Variants in PAK3 observed in about 807,000 individuals in gnomAD.
The protein encoded by PAK3 is serine/threonine-protein kinase PAK 3.
In PAK3, 4 loss-of-function variants were observed where a neutral mutation model predicts 41.0. The observed-to-expected ratio is 0.10, with a 90% CI of 0.05 to 0.22. The LOEUF (loss-of-function observed/expected upper bound fraction) is 0.22, where lower values mean the gene tolerates loss of function less well. Among genes scored for constraint, PAK3 ranks in the 10% least tolerant of loss-of-function variants. PAK3 has a pLI of 1.00. For synonymous variants in PAK3, 146 were observed against 139.6 expected, an observed-to-expected ratio of 1.05 and a Z score of -0.32; for missense variants, 205 against 409.9, an observed-to-expected ratio of 0.50 and a Z score of 4.32.
At chrX:111,010,732 G>T (rs1358989252) in intron 1 of PAK3, among the ~76,000 whole-genome samples, 1 of 111,877 alleles carries the variant, frequency 8.9e-6, no homozygotes, top group Non-Finnish European at 1.9e-5. Context: ...CCAAGCAGAT[G>T]TTGGTGCCAT....
At chrX:110,990,993 G>A (rs750340717) in intron 1 of PAK3, among the ~76,000 whole-genome samples, 22 of 110,113 alleles carry the variant, frequency 2.0e-4, no homozygotes, top group African/African-American at 6.3e-4. Flanking sequence ...GCTGGGTGTG[G>A]TGGTGCAGGC....
intron 17 of PAK3, among the ~76,000 whole-genome samples, chrX:111,218,675 A>G (rs1405493695): frequency 9.0e-6 from 1 of 111,401 alleles, no homozygotes; most frequent in Non-Finnish European, 1.9e-5. Context: ...GGATAATCCT[A>G]TGGTGGGCCT....
At chrX:111,102,464 G>A (rs1398445084) in intron 3 of PAK3, among the ~76,000 whole-genome samples, 1 of 111,823 alleles carries the variant, frequency 8.9e-6, no homozygotes, top group Non-Finnish European at 1.9e-5. Flanking sequence ...AGCAAATTAG[G>A]AGACCTCAGA....
intron 1 of PAK3, among the ~76,000 whole-genome samples, chrX:111,066,968 T>C (rs2092706275): frequency 8.9e-6 from 1 of 111,819 alleles, no homozygotes; most frequent in Non-Finnish European, 1.9e-5. Flanking sequence ...CCCTAATAAG[T>C]TGTTGATGAT....
chrX:111,146,166 C>A (rs1169723284), intron 6 of PAK3, among the ~76,000 whole-genome samples: 1 of 112,163 alleles, frequency 8.9e-6, no homozygotes, highest in Non-Finnish European at 1.9e-5. Context: ...ATTGTCAAAG[C>A]TTTTCATGAT....
chrX:111,185,445 G>A (rs1316923477), intron 11 of PAK3, among the ~76,000 whole-genome samples: 1 of 111,261 alleles, frequency 9.0e-6, no homozygotes, highest in Non-Finnish European at 1.9e-5. Flanking sequence ...ATTGCTTTTG[G>A]TGTTTTAATC....
At chrX:110,971,869 G>GT (rs143688523) in intron 1 of PAK3, among the ~76,000 whole-genome samples, 79 of 111,307 alleles carry the variant, frequency 7.1e-4, no homozygotes, top group African/African-American at 2.5e-3. Context: ...TGATGTAGGA[G>GT]TAAAACTTCA....
intron 1 of PAK3, among the ~76,000 whole-genome samples, chrX:111,015,569 T>C (rs1054808503): frequency 9.0e-6 from 1 of 111,701 alleles, no homozygotes; most frequent in African/African-American, 3.3e-5. Flanking sequence ...CTACCAGCAA[T>C]GCACAAGGGT....
At chrX:111,208,935 G>C (rs1314393277) in intron 16 of PAK3, among the ~76,000 whole-genome samples, 1 of 77,000 alleles carries the variant, frequency 1.3e-5, no homozygotes, top group Admixed American at 1.2e-4. Context: ...GAGGAATGAC[G>C]TGTGTGTGTG....
intron 1 of PAK3, among the ~76,000 whole-genome samples, chrX:111,084,616 T>C (rs2148845638): frequency 8.9e-6 from 1 of 112,091 alleles, no homozygotes; most frequent in African/African-American, 3.3e-5. Flanking sequence ...TGCTGCGATG[T>C]GGATGGATGA....
intron 11 of PAK3, among the ~76,000 whole-genome samples, chrX:111,189,285 G>A (rs1023665434): frequency 7.2e-5 from 8 of 111,788 alleles, no homozygotes; most frequent in African/African-American, 2.0e-4. Context: ...AATATTCCAT[G>A]GTGTACATGT....
intron 13 of PAK3, among the ~76,000 whole-genome samples, chrX:111,193,890 TC>T (rs1246404293): frequency 8.9e-6 from 1 of 112,132 alleles, no homozygotes; most frequent in Non-Finnish European, 1.9e-5. Flanking sequence ...TAACAAGCTT[TC>T]CAGATGAATT....
At chrX:111,126,369 GAT>G (rs2093648555) in intron 5 of PAK3, among the ~76,000 whole-genome samples, 1 of 111,003 alleles carries the variant, frequency 9.0e-6, no homozygotes, top group South Asian at 3.8e-4. Flanking sequence ...CCGATATCAT[GAT>G]CTCCTCAGCT....
At chrX:111,056,734 C>T (rs1329395839) in intron 1 of PAK3, among the ~76,000 whole-genome samples, 1 of 112,029 alleles carries the variant, frequency 8.9e-6, no homozygotes, top group Non-Finnish European at 1.9e-5. Flanking sequence ...TATGTAATCA[C>T]TCTATGTAAT....
In PAK3 at chrX:111,226,285, A is replaced by G. The variant is rs1330773478; in HGVS notation, c.*5838A>G. 8.9e-6 allele frequency: 1 copy of G among 111,951 alleles called. No individual in the cohort carries two copies. 9.2% of individuals were successfully genotyped at this position (111,951 alleles called of 1,213,427 possible). On this transcript the variant is annotated 3_prime_UTR_variant, in exon 18 of 18. Transcript: ENST00000372007. The stretch of plus-strand genomic sequence containing the variant: ...GTTGTTTCGTTTTGTTTTTGTTTTA[A>G]TGTCCATTTTCTGTTGACTGTTCCC...
In PAK3 at chrX:111,070,895, C is replaced by A. The variant is rs992512391; in HGVS notation, c.-27-52182C>A. ...TCCAAAGAGCCCAACCAGGTTGTTA[C>A]ATGCTGTGCCCCTGGTAGGGAGAAT... On this transcript the variant is annotated intron_variant, in intron 1 of 14. Coordinates refer to the PAK3 transcript ENST00000425146. Among the ~76,000 whole-genome samples, 5 of 112,029 alleles carry A rather than the reference C, an allele frequency of 4.5e-5. No individual in the cohort carries two copies. The East Asian group carries it at 1.4e-3, about 32-fold the overall frequency.
chrX:110,971,928 G>C (rs1345806531), intron 1 of PAK3, among the ~76,000 whole-genome samples: 1 of 111,182 alleles, frequency 9.0e-6, no homozygotes, highest in African/African-American at 3.3e-5. Context: ...TAGTTGAAAA[G>C]ATTATTCTTT....
intron 1 of PAK3, among the ~76,000 whole-genome samples, chrX:111,012,338 T>C (rs969923249): frequency 2.7e-5 from 3 of 111,453 alleles, no homozygotes; most frequent in Non-Finnish European, 5.7e-5. Context: ...TTGTAAAGAG[T>C]GGGCATCCAA....
intron 16 of PAK3, among the ~76,000 whole-genome samples, chrX:111,207,992 G>A (rs1288478060): frequency 8.9e-6 from 1 of 111,960 alleles, no homozygotes; most frequent in East Asian, 2.8e-4. Context: ...ACGAGGTTTC[G>A]CCCTGTGGCC....
Sources: gnomAD v4.1 joint callset for allele counts (sites outside exome capture counted in the v4.1 genomes callset) on GRCh38, gnomAD v4.1.1 for gene constraint, MANE v1.5 for transcripts, NCBI Gene and HGNC (gene_info 2026-07-23, HGNC 2026-07-21) for gene names.